The following UNC13C variants were observed in gnomAD, a reference collection of about 807,000 sequenced individuals.
UNC13C encodes unc-13 homolog C, also known as protein unc-13 homolog C.
A neutral mutation model predicts 245.4 loss-of-function variants in UNC13C; 174 were observed. The ratio of observed to expected loss-of-function variants is 0.71; its 90% confidence interval spans 0.63 to 0.80. UNC13C has a LOEUF of 0.80. Among genes scored for constraint, UNC13C ranks in the 30% least tolerant of loss-of-function variants. The pLI, the probability that UNC13C is intolerant of heterozygous loss-of-function variation, is 0.00. For synonymous variants in UNC13C, 992 were observed against 895.1 expected (o/e 1.11, Z -1.93); for missense variants, 2,829 against 2,602.9 (o/e 1.09, Z -1.89).
At chr15:54,195,018 T>G (rs2034305988) in intron 4 of UNC13C, among the ~76,000 whole-genome samples, 2 of 151,952 alleles carry the variant, frequency 1.3e-5, no homozygotes, top group Admixed American at 1.3e-4. Flanking sequence ...ATTCCACGAA[T>G]AGAATATTGA....
chr15:54,137,491 C>T (rs1407877530), intron 2 of UNC13C, among the ~76,000 whole-genome samples: 2 of 152,122 alleles, frequency 1.3e-5, no homozygotes, highest in African/African-American at 4.8e-5. Flanking sequence ...ATGACTACTT[C>T]CATGTTGTTA....
At chr15:54,232,572 T>C (rs1017338439) in intron 4 of UNC13C, among the ~76,000 whole-genome samples, 19 of 152,184 alleles carry the variant, frequency 1.2e-4, no homozygotes, top group Non-Finnish European at 2.5e-4. Context: ...TAATGGTTAC[T>C]GATAAAAGAA....
chr15:54,074,784 A>G (rs1024582880), intron 2 of UNC13C, among the ~76,000 whole-genome samples: 1 of 152,144 alleles, frequency 6.6e-6, no homozygotes, highest in Admixed American at 6.5e-5. Context: ...GGGTGAGACA[A>G]TGGGGTTTTC....
intron 4 of UNC13C, among the ~76,000 whole-genome samples, chr15:54,154,188 C>A (rs946374779): frequency 6.6e-6 from 1 of 152,014 alleles, no homozygotes; most frequent in African/African-American, 2.4e-5. Flanking sequence ...TTCTTCCCCA[C>A]CTCCTCTGTA....
At chr15:54,213,843 G>T (rs2034958830) in intron 4 of UNC13C, among the ~76,000 whole-genome samples, 1 of 151,948 alleles carries the variant, frequency 6.6e-6, no homozygotes, top group Non-Finnish European at 1.5e-5. Flanking sequence ...AGGTAGTATT[G>T]CTGGAAACTT....
the UNC13C span, among the ~76,000 whole-genome samples, chr15:53,857,314 T>G: frequency 8.5e-5 from 13 of 152,164 alleles, no homozygotes; most frequent in Admixed American, 1.3e-4. Context: ...ATAACCCAAA[T>G]TTTTAGTAGA....
At chr15:54,444,436 T>C (rs1220467473) in intron 19 of UNC13C, among the ~76,000 whole-genome samples, 1 of 151,874 alleles carries the variant, frequency 6.6e-6, no homozygotes, top group Non-Finnish European at 1.5e-5. Context: ...AAAAGTGATC[T>C]TTTGTAGGCA....
At chr15:54,042,585 G>A (rs1228516244) in intron 2 of UNC13C, among the ~76,000 whole-genome samples, 1 of 152,122 alleles carries the variant, frequency 6.6e-6, no homozygotes, top group Non-Finnish European at 1.5e-5. Flanking sequence ...CGGGTGTGGT[G>A]GGTCACGCCT....
chr15:54,500,040 A>G, intron 20 of UNC13C, 39 bp from the exon 21 acceptor site: 1 of 1,419,962 alleles, frequency 7.0e-7, no homozygotes, highest in East Asian at 2.4e-5. Context: ...TATGCAAATG[A>G]TGTCCTTTGT....
chr15:53,919,533 A>G, the UNC13C span, among the ~76,000 whole-genome samples: 2 of 152,222 alleles, frequency 1.3e-5, no homozygotes, highest in African/African-American at 4.8e-5. Context: ...AACTAAGTTC[A>G]TCTATATTCC....
chr15:54,561,924 C>G (rs1423734189), intron 29 of UNC13C, among the ~76,000 whole-genome samples: 1 of 151,760 alleles, frequency 6.6e-6, no homozygotes, highest in Non-Finnish European at 1.5e-5. Flanking sequence ...GTTGTTGGAA[C>G]TTGGCAACTG....
At chr15:54,108,962 T>C (rs1207505833) in intron 2 of UNC13C, among the ~76,000 whole-genome samples, 1 of 152,188 alleles carries the variant, frequency 6.6e-6, no homozygotes, top group Non-Finnish European at 1.5e-5. Context: ...GGAATTCTGA[T>C]GTATGGAGTG....
chr15:53,886,512 A>G, the UNC13C span, among the ~76,000 whole-genome samples: 5 of 152,176 alleles, frequency 3.3e-5, no homozygotes, highest in Non-Finnish European at 1.5e-5. Context: ...TTCTATAAGT[A>G]AATAACTGAA....
intron 30 of UNC13C, among the ~76,000 whole-genome samples, chr15:54,579,601 CA>C (rs1323719679): frequency 1.3e-5 from 2 of 151,482 alleles, no homozygotes; most frequent in African/African-American, 2.4e-5. Context: ...ACTAAAAATA[CA>C]AAAAAAATTA....
the UNC13C span, among the ~76,000 whole-genome samples, chr15:53,956,903 T>C: frequency 0.013 from 1,941 of 151,758 alleles, 44 homozygotes; most frequent in African/African-American, 0.046. Context: ...TGTGTGTGTG[T>C]GTGCATGCAC....
chr15:54,172,701 C>CAGATAT (rs2033447002), intron 4 of UNC13C, among the ~76,000 whole-genome samples: 9 of 49,014 alleles, frequency 1.8e-4, no homozygotes, highest in South Asian at 7.5e-4. Context: ...AATACACACA[C>CAGATAT]AGATATATAT....
chr15:54,324,594 T>G lies in UNC13C; in HGVS notation c.4425+2499T>G, dbSNP rs557303247. 2.0e-5 allele frequency among the ~76,000 whole-genome samples: 3 copies of G among 151,928 alleles called. No individual in the cohort carries two copies. The South Asian group carries it at 6.2e-4, about 32-fold the overall frequency. ...GGATGACAGTGATTTTTTTTTAAAA[T>G]GTGATTTTATCGCACCATTGCACTC... On this transcript the variant is annotated intron_variant, in intron 14 of 32. Transcript: ENST00000260323.
At chr15:54,066,590 G>A (rs750007714) in intron 2 of UNC13C, among the ~76,000 whole-genome samples, 10 of 152,140 alleles carry the variant, frequency 6.6e-5, no homozygotes, top group Non-Finnish European at 1.2e-4. Flanking sequence ...GCACTCCTCC[G>A]TTGAGGAAAT....
chr15:53,850,135 G>A, the UNC13C span, among the ~76,000 whole-genome samples: 3 of 152,156 alleles, frequency 2.0e-5, no homozygotes, highest in East Asian at 3.9e-4. Context: ...TCTAGGGGGC[G>A]CTGGGCATGG....
Sources: gnomAD v4.1 joint callset for allele counts (sites outside exome capture counted in the v4.1 genomes callset) on GRCh38, gnomAD v4.1.1 for gene constraint, MANE v1.5 for transcripts, NCBI Gene and HGNC (gene_info 2026-07-23, HGNC 2026-07-21) for gene names.